Variants in IWS1 observed in about 807,000 individuals in gnomAD.
IWS1 encodes the protein interacts with SUPT6H, CTD assembly factor 1.
In IWS1, 27 loss-of-function variants were observed where a neutral mutation model predicts 86.7. The ratio of observed to expected loss-of-function variants is 0.31; its 90% CI spans 0.23 to 0.43. IWS1 has a LOEUF of 0.43. Ranked by LOEUF, IWS1 falls within the 20% of genes least tolerant of loss-of-function variation. The probability of loss-of-function intolerance (pLI) is 1.00; values close to 1 mark genes in which losing one functional copy is unlikely to be tolerated. For synonymous variants in IWS1, 313 were observed against 335.1 expected (o/e 0.93, Z 0.72); for missense variants, 827 against 1,000.8 (o/e 0.83, Z 2.34).
At chr2:127,487,041 GGAATTGTGAA>G (rs1313528207) in intron 12 of IWS1, among the ~76,000 whole-genome samples, 2 of 152,132 alleles carry the variant, frequency 1.3e-5, no homozygotes, top group Non-Finnish European at 2.9e-5. Context: ...TGTGAGATGA[GGAATTGTGAA>G]GAATTGAGTC....
intron 2 of IWS1, 51 bp downstream of exon 2, chr2:127,523,622 GATC>G: frequency 8.9e-7 from 1 of 1,120,744 alleles, no homozygotes; most frequent in East Asian, 2.4e-5. Context: ...TAATATAACA[GATC>G]TCACAGAACG....
intron 2 of IWS1, among the ~76,000 whole-genome samples, chr2:127,515,428 T>A (rs2460106): frequency 0.85 from 129,137 of 152,182 alleles, 54,876 homozygotes; most frequent in East Asian, 1. Flanking sequence ...GACCCGGAGG[T>A]CCTCACCCAT....
chr2:127,493,315 T>C lies in IWS1; in HGVS notation c.1895A>G (p.Lys632Arg), dbSNP rs774038718. Residue 632 changes from lysine (K) to arginine (R), a missense_variant, in exon 9 of 14, where the codon AAG becomes AGG. Physicochemically the swap from Lys to Arg is conservative, Grantham distance 26. Around this residue, in one of 2 missense-constraint regions of IWS1, gnomAD observed 279 missense variants for 440.6 expected, o/e 0.63. Coordinates refer to ENST00000295321, the MANE Select transcript of IWS1 (RefSeq NM_017969.3). ...GATCTTCAGCAGCTCCTCCCGGATC[T>C]TGAGTGCAGGCAAACTCCTATCTGG... Reference protein sequence around the residue: ...PLPDRSLPALKIREELLKILQ... With the variant: ...PLPDRSLPALRIREELLKILQ... 21 of 1,613,416 alleles carry C rather than the reference T, an allele frequency of 1.3e-5. No individual in the cohort carries two copies. The highest frequency in any genetic ancestry group is 1.6e-5 in the Non-Finnish European group (19 of 1,179,864).
At chr2:127,492,191 A>C in intron 9 of IWS1, 103 bp from the exon 10 acceptor site, 1 of 711,994 alleles carries the variant, frequency 1.4e-6, no homozygotes, top group Non-Finnish European at 2.5e-6. Context: ...ACAAATAAAA[A>C]ATTCCATTTT....
chr2:127,500,506 T>G (rs1048044293), intron 5 of IWS1, among the ~76,000 whole-genome samples: 5 of 152,168 alleles, frequency 3.3e-5, no homozygotes, highest in Non-Finnish European at 5.9e-5. Flanking sequence ...TGCCTTAATG[T>G]CTACCTCCCT....
At chr2:127,525,760 A>C (rs532421247) in intron 1 of IWS1, among the ~76,000 whole-genome samples, 1 of 152,326 alleles carries the variant, frequency 6.6e-6, no homozygotes, top group Non-Finnish European at 1.5e-5. Context: ...TCCTGCACTT[A>C]CGTCCGGTGT....
chr2:127,522,303 T>C (rs1415859311), intron 2 of IWS1, among the ~76,000 whole-genome samples: 2 of 152,182 alleles, frequency 1.3e-5, no homozygotes, highest in Non-Finnish European at 2.9e-5. Flanking sequence ...CAAATGTCAC[T>C]TTCTTAATAA....
chr2:127,496,017 T>C lies in IWS1; in HGVS notation c.1697A>G (p.Lys566Arg), dbSNP rs1339631406. The C allele has an allele frequency of 1.2e-6, 2 of 1,613,264 alleles. No individual in the cohort carries two copies. The highest frequency in any genetic ancestry group is 1.7e-5 in the Admixed American group (1 of 59,756). Reference sequence around the variant, plus strand: ...GCTCACCTCAGCAGCTTCATTCATCTTGACGATCATGGCACTCACGACGTC... The same window carrying C: ...GCTCACCTCAGCAGCTTCATTCATCCTGACGATCATGGCACTCACGACGTC... The part of the protein sequence containing the change: ...ADDVVSAMIV[K>R]MNEAAEEDRQ... Residue 566 changes from lysine (K) to arginine (R), a missense_variant, in exon 7 of 14, where the codon AAG becomes AGG. By Grantham distance (26) the Lys-to-Arg change is conservative. Transcript: ENST00000295321.
intron 5 of IWS1, 137 bp downstream of exon 5, chr2:127,502,678 C>A: frequency 2.1e-6 from 1 of 475,520 alleles, no homozygotes; most frequent in Non-Finnish European, 3.8e-6. Context: ...TTCCTGAATC[C>A]CTCTTCTAGA....
rs1363541033 is a variant in IWS1, at chr2:127,495,872, A to C, written c.1716+126T>G. On this transcript the variant is annotated intron_variant, in intron 7 of 13. Transcript: ENST00000295321. ...TATTTCCATGATTAAAATTGAGAACAGTAAATGCTTTATTACAAAAAGCAA... is the reference window on the plus strand; with the variant it reads ...TATTTCCATGATTAAAATTGAGAACCGTAAATGCTTTATTACAAAAAGCAA... 6 of 817,922 alleles carry C rather than the reference A, an allele frequency of 7.3e-6. No individual in the cohort carries two copies. In the East Asian group the frequency reaches 1.7e-4, roughly 24 times the overall value. The allele number at this position is 817,922 out of a possible 1,614,324, so 50.7% of individuals were successfully genotyped here.
rs558427433 is a variant in IWS1, at chr2:127,501,495, C to T, written c.1467+1320G>A. Among the ~76,000 whole-genome samples the T allele has an allele frequency of 3.3e-5, 5 of 152,276 alleles. No homozygotes were observed. In the East Asian group the frequency reaches 9.6e-4, roughly 29 times the overall value. On this transcript the variant is annotated intron_variant, in intron 5 of 13. Coordinates refer to ENST00000295321, the MANE Select transcript of IWS1 (RefSeq NM_017969.3). ...TTAGGTATCATTTCCTTTTAAAATA[C>T]TGCTTCTGCTATACATGTAACTTTC... is the stretch of plus-strand genomic sequence containing the variant.
rs1291420976 is a variant in IWS1, at chr2:127,504,748, C to T, written c.1155G>A (p.Glu385=). 1.9e-6 allele frequency: 3 copies of T among 1,613,858 alleles called. No individual in the cohort carries two copies. In the Admixed American group the frequency reaches 5.0e-5, roughly 27 times the overall value. Residue 385 remains glutamate, a synonymous_variant, in exon 3 of 14, where the codon GAG becomes GAA. Transcript: ENST00000295321. ...MDSDEDEKEG[E]EEKVAKRKAA... The stretch of plus-strand genomic sequence containing the variant: ...CTTTTCTCTTCGCTACTTTCTCCTC[C>T]TCACCCTCTTTTTCATCTTCATCAC...
At chr2:127,500,282 G>T (rs555552538) in intron 5 of IWS1, among the ~76,000 whole-genome samples, 1 of 152,136 alleles carries the variant, frequency 6.6e-6, no homozygotes. Context: ...ATTATACGTG[G>T]ATTATATAGA....
chr2:127,498,235 A>C lies in IWS1; in HGVS notation c.1470T>G (p.Gly490=). ...SGDEEEEEFT[G]FNQEDLEEEK... ...CTTCTTCCAGATCTTCTTGGTTAAA[A>C]CCCTAAATGCAAAATTATCACAACC... The change falls in exon 6 of 14, where the codon GGT becomes GGG. Residue 490 remains glycine (G), a splice_region_variant and synonymous_variant. Coordinates refer to ENST00000295321, the MANE Select transcript of IWS1 (RefSeq NM_017969.3). The C allele has an allele frequency of 1.2e-6, 2 of 1,601,512 alleles. No individual in the cohort carries two copies. The highest frequency in any genetic ancestry group is 4.5e-5 in the East Asian group (2 of 44,668).
In IWS1 at chr2:127,526,414, G is replaced by A. The variant is rs1302542982; in HGVS notation, c.-206C>T. The A allele has an allele frequency of 3.9e-6, 6 of 1,535,914 alleles. No homozygotes were observed. Among genetic ancestry groups the A allele is most frequent in the Non-Finnish European group, 5.2e-6 (6 of 1,145,262 alleles). On this transcript the variant is annotated 5_prime_UTR_variant, in exon 1 of 14. Coordinates refer to ENST00000295321, the MANE Select transcript of IWS1 (RefSeq NM_017969.3). ...GCCCCGGCGGAAAAGGCCGTACCCG[G>A]CAGGCTGGCGGGCGGGCAGGCATGC...
At position 127,499,847 on chromosome 2, in the gene IWS1, T is replaced by A. The variant is rs904004126; in HGVS notation, c.1468-1610A>T. On this transcript the variant is annotated intron_variant, in intron 5 of 13. Coordinates refer to ENST00000295321, the MANE Select transcript of IWS1 (RefSeq NM_017969.3). The surrounding 1 kb of genome is among the most constrained non-coding windows in gnomAD (Gnocchi z 4.0). Reference sequence around the variant, plus strand: ...ACAGACACTTGATATATGACAAAGATGGCACTACAGAATAGTAGGAAAGGA... The same window carrying A: ...ACAGACACTTGATATATGACAAAGAAGGCACTACAGAATAGTAGGAAAGGA... Among the ~76,000 whole-genome samples, 8 of 152,124 alleles carry A rather than the reference T, an allele frequency of 5.3e-5. No homozygotes were observed. Among genetic ancestry groups the A allele is most frequent in the African/African-American group, 1.9e-4 (8 of 41,422 alleles).
chr2:127,523,579 C>T (rs1692226592), intron 2 of IWS1, 97 bp downstream of exon 2: 3 of 805,132 alleles, frequency 3.7e-6, no homozygotes, highest in Non-Finnish European at 4.1e-6. Context: ...AGATTAAACC[C>T]TAAACTCTGT....
At chr2:127,527,047 C>T (rs1025861435), upstream of IWS1, among the ~76,000 whole-genome samples, 1 of 152,312 alleles carries the variant, frequency 6.6e-6, no homozygotes, top group South Asian at 2.1e-4. Flanking sequence ...AGAAGGGTTC[C>T]CCTGATGAAA....
chr2:127,505,800 ACCATTAAT>A lies in IWS1; in HGVS notation c.151-56_151-49del. On this transcript the variant is annotated intron_variant, in intron 2 of 13. Transcript: ENST00000295321. This position sits in a 1 kb window ranked among gnomAD's most constrained non-coding sequence, Gnocchi z 5.0. ...ATTAGGAAAGTGCAAAAAAAAAAAA[ACCATTAAT>A]AATAAAACATTAAATTTTTTCTGTG... is the stretch of plus-strand genomic sequence containing the variant. 2 of 1,155,640 alleles carry A rather than the reference ACCATTAAT, an allele frequency of 1.7e-6. No homozygotes were observed. Among genetic ancestry groups the A allele is most frequent in the South Asian group, 1.6e-5 (1 of 62,856 alleles). 71.6% of individuals were successfully genotyped at this position (1,155,640 alleles called of 1,614,324 possible). A position where few individuals can be genotyped will look rare whatever the true frequency, so the allele number is the denominator to read the frequency against.
Sources: allele counts gnomAD v4.1 joint callset (sites outside exome capture counted in the v4.1 genomes callset), GRCh38; gene constraint gnomAD v4.1.1; regional missense constraint gnomAD v4.1.1; non-coding constraint Gnocchi (gnomAD v3.1); transcripts MANE v1.5; gene names NCBI Gene and HGNC (gene_info 2026-07-23, HGNC 2026-07-21).